Variants in ALKBH6 observed in about 807,000 individuals in gnomAD.
ALKBH6 encodes probable RNA/DNA demethylase ALKBH6.
A neutral mutation model predicts 25.1 loss-of-function variants in ALKBH6; 20 were observed. The ratio of observed to expected loss-of-function variants is 0.80; its 90% CI spans 0.56 to 1.16. The LOEUF is 1.16. ALKBH6 is among the 50% of genes most tolerant of loss of function. The pLI is 0.00. For synonymous variants in ALKBH6, 156 were observed against 147.5 expected (o/e 1.06, Z -0.42); for missense variants, 263 against 326.5 (o/e 0.81, Z 1.50).
chr19:36,011,258 C>A (rs1968604602), intron 4 of ALKBH6, 146 bp downstream of exon 4: 1 of 1,155,618 alleles, frequency 8.7e-7, no homozygotes, highest in Non-Finnish European at 1.2e-6. Flanking sequence ...CCCTCAGGAC[C>A]TCCACTGACC....
chr19:36,013,226 G>C lies in ALKBH6; in HGVS notation c.54+118C>G. The C allele has an allele frequency of 6.8e-7, 1 of 1,467,976 alleles. No individual in the cohort carries two copies. The highest frequency in any genetic ancestry group is 1.2e-5 in the South Asian group (1 of 85,988). The allele number at this position is 1,467,976 out of a possible 1,614,324, so 90.9% of individuals were successfully genotyped here. ...CAGGGTCTAAAGTCAAGGGACCAGT[G>C]CCATTCCAGAATGGACTCTGACAGT... On this transcript the variant is annotated intron_variant, in intron 2 of 6. Transcript: ENST00000378875. The surrounding 1 kb of genome is among the most constrained non-coding windows in gnomAD (Gnocchi z 4.6).
intron 3 of ALKBH6, chr19:36,012,636 A>G (rs1968640978): frequency 5.8e-6 from 1 of 172,040 alleles, no homozygotes; most frequent in South Asian, 1.4e-4. Flanking sequence ...CTTTCCCCAA[A>G]CCTTAAGAAC....
At position 36,013,981 on chromosome 19, in the gene ALKBH6, G is replaced by A; in HGVS notation, c.-26+194C>T. On this transcript the variant is annotated intron_variant, in intron 1 of 6. Coordinates refer to ENST00000378875, the MANE Select transcript of ALKBH6 (RefSeq NM_032878.5). The surrounding 1 kb of genome is among the most constrained non-coding windows in gnomAD (Gnocchi z 4.6). ...CCCTCCTGAGCGCCCCTTCACTCCA[G>A]CACCCTGAGATCTTTAGCTCTGAGG... 7.1e-7 allele frequency: 1 copy of A among 1,401,562 alleles called. No homozygotes were observed. The allele number at this position is 1,401,562 out of a possible 1,614,324, so 86.8% of individuals were successfully genotyped here.
At position 36,009,360 on chromosome 19, in the gene ALKBH6, C is replaced by A; in HGVS notation, c.647G>T (p.Gly216Val). 7.7e-7 allele frequency: 1 copy of A among 1,297,912 alleles called. No individual in the cohort carries two copies. Among genetic ancestry groups the A allele is most frequent in the Non-Finnish European group, 9.8e-7 (1 of 1,023,062 alleles). The allele number at this position is 1,297,912 out of a possible 1,614,324, so 80.4% of individuals were successfully genotyped here. A position where few individuals can be genotyped will look rare whatever the true frequency, so the allele number is the denominator to read the frequency against. The change falls in exon 7 of 7, where the codon GGC (glycine) becomes GTC (valine). Residue 216 changes from glycine (G) to valine (V), a missense_variant. Transcript: ENST00000378875. ...GCGGATGGTCAGCGAGACCCGGGTG[C>A]CGCGCACCAGGCAGGCTCCCGGCCG... ...SARPGACLVR[G>V]TRVSLTIRRV...
rs1463466121 is a variant in ALKBH6, at chr19:36,014,197, T to C, written c.-48A>G. 1 of 1,611,826 alleles carries C rather than the reference T, an allele frequency of 6.2e-7. No individual in the cohort carries two copies. The highest frequency in any genetic ancestry group is 8.5e-7 in the Non-Finnish European group (1 of 1,178,982). On this transcript the variant is annotated 5_prime_UTR_variant, in exon 1 of 7. Coordinates refer to ENST00000378875, the MANE Select transcript of ALKBH6 (RefSeq NM_032878.5). ...GACCGTCCACCAGCGTCCCCTCCAA[T>C]TTCCAAATTCAACATCCCCATCCCC...
intron 6 of ALKBH6, 126 bp from the exon 7 acceptor site, chr19:36,009,679 A>G (rs1377525605): frequency 7.7e-6 from 5 of 647,912 alleles, no homozygotes; most frequent in Non-Finnish European, 8.8e-6. Flanking sequence ...TGTGCTCACA[A>G]TGATGGAGGC....
At chr19:36,014,044 GA>G in intron 1 of ALKBH6, 130 bp downstream of exon 1, 2 of 1,521,160 alleles carry the variant, frequency 1.3e-6, no homozygotes, top group Non-Finnish European at 1.8e-6. Flanking sequence ...GAACCATTCA[GA>G]TCCCCGACTC....
intron 3 of ALKBH6, chr19:36,011,665 G>A (rs1239570319): frequency 3.6e-6 from 2 of 556,314 alleles, no homozygotes; most frequent in South Asian, 2.2e-5. Flanking sequence ...AAGCCCACCT[G>A]TGTCTACCAG....
chr19:36,014,090 C>G, intron 1 of ALKBH6, 85 bp downstream of exon 1: 1 of 1,588,370 alleles, frequency 6.3e-7, no homozygotes, highest in Non-Finnish European at 8.6e-7. Context: ...TGAGCCTCCT[C>G]GGACTCCTAC....
Position 36,011,406 on chromosome 19 carries a change from C to A in ALKBH6, c.182G>T (p.Trp61Leu). 6.2e-7 allele frequency: 1 copy of A among 1,613,026 alleles called. No individual in the cohort carries two copies. The highest frequency in any genetic ancestry group is 8.5e-7 in the Non-Finnish European group (1 of 1,179,916). Residue 61 changes from tryptophan (W) to leucine (L), a missense_variant and splice_region_variant, in exon 4 of 7, where the codon TGG (tryptophan) becomes TTG (leucine). By Grantham distance (61) the Trp-to-Leu change is moderately conservative (BLOSUM62 -2). Transcript: ENST00000378875. ...TGCCCCCAGCCAGGGATACTTACCC[C>A]AGTTCTGTAACTTTCTCCCAGAGAG... is the stretch of plus-strand genomic sequence containing the variant. Reference protein sequence around the residue: ...TQLSGRKLQNWGGLPHPRGMV... With the variant: ...TQLSGRKLQNLGGLPHPRGMV...
Position 36,010,733 on chromosome 19 carries a change from C to T in ALKBH6, c.337-50G>A, listed in dbSNP as rs1410601144. 6.3e-7 allele frequency: 1 copy of T among 1,588,054 alleles called. No individual in the cohort carries two copies. Among genetic ancestry groups the T allele is most frequent in the Non-Finnish European group, 8.6e-7 (1 of 1,158,006 alleles). Reference sequence around the variant, plus strand: ...GCAGGGCAGGAGTCCACAACCCCCACCCTCTGGGTCAAAGGGGGGCTTCCC... The same window carrying T: ...GCAGGGCAGGAGTCCACAACCCCCATCCTCTGGGTCAAAGGGGGGCTTCCC... On this transcript the variant is annotated intron_variant, in intron 5 of 6. Transcript: ENST00000378875. The surrounding 1 kb of genome is among the most constrained non-coding windows in gnomAD (Gnocchi z 5.5).
Position 36,010,694 on chromosome 19 carries a change from G to A in ALKBH6, c.337-11C>T, listed in dbSNP as rs1226506107. Reference sequence around the variant, plus strand: ...TCCGTCCTCGTGGGGCTAGGGAGTGGGCACCAGGGCTGGGCAGGGCAGGAG... The same window carrying A: ...TCCGTCCTCGTGGGGCTAGGGAGTGAGCACCAGGGCTGGGCAGGGCAGGAG... On this transcript the variant is annotated splice_polypyrimidine_tract_variant and intron_variant, in intron 5 of 6. Coordinates refer to ENST00000378875, the MANE Select transcript of ALKBH6 (RefSeq NM_032878.5). This position sits in a 1 kb window ranked among gnomAD's most constrained non-coding sequence, Gnocchi z 5.5. 1 of 1,612,020 alleles carries A rather than the reference G, an allele frequency of 6.2e-7. No homozygotes were observed. The highest frequency in any genetic ancestry group is 8.5e-7 in the Non-Finnish European group (1 of 1,178,312).
chr19:36,010,752 G>T lies in ALKBH6; in HGVS notation c.337-69C>A. Reference sequence around the variant, plus strand: ...CCCCCACCCTCTGGGTCAAAGGGGGGCTTCCCAAGCCAGGGACAGGGAGGT... The same window carrying T: ...CCCCCACCCTCTGGGTCAAAGGGGGTCTTCCCAAGCCAGGGACAGGGAGGT... On this transcript the variant is annotated intron_variant, in intron 5 of 6. Transcript: ENST00000378875. The surrounding 1 kb of genome is among the most constrained non-coding windows in gnomAD (Gnocchi z 5.5). 6.4e-7 allele frequency: 1 copy of T among 1,570,928 alleles called. No homozygotes were observed. The highest frequency in any genetic ancestry group is 8.7e-7 in the Non-Finnish European group (1 of 1,143,076).
rs2145365467 is a variant in ALKBH6, at chr19:36,009,399, G to A, written c.608C>T (p.Ala203Val). 8.0e-7 allele frequency: 1 copy of A among 1,251,306 alleles called. No individual in the cohort carries two copies. The highest frequency in any genetic ancestry group is 3.0e-4 in the Middle Eastern group (1 of 3,308). 77.5% of individuals were successfully genotyped at this position (1,251,306 alleles called of 1,614,324 possible). Residue 203 changes from alanine to valine, a missense_variant, in exon 7 of 7, where the codon GCC becomes GTC. Coordinates refer to ENST00000378875, the MANE Select transcript of ALKBH6 (RefSeq NM_032878.5). ...DAASSPPNAA[A>V]CPSARPGACL... ...GGCTCCCGGCCGCGCCGACGGGCAG[G>A]CTGCCGCATTGGGCGGCGAGGAGGC...
intron 4 of ALKBH6, 33 bp from the exon 5 acceptor site, chr19:36,011,078 C>A: frequency 6.4e-7 from 1 of 1,567,014 alleles, no homozygotes. Context: ...GAGGGCCCCC[C>A]TATAGCAATA....
At position 36,010,411 on chromosome 19, in the gene ALKBH6, T is replaced by A. The variant is rs771816153; in HGVS notation, c.453+156A>T. 1 of 689,456 alleles carries A rather than the reference T, an allele frequency of 1.5e-6. No individual in the cohort carries two copies. The highest frequency in any genetic ancestry group is 2.6e-6 in the Non-Finnish European group (1 of 390,970). 42.7% of individuals were successfully genotyped at this position (689,456 alleles called of 1,614,324 possible). ...ACACCCTGTAAGCAGATGGGTTGGG[T>A]GTCTGGGAGGAAGTGGGTACACCCC... On this transcript the variant is annotated intron_variant, in intron 6 of 6. Transcript: ENST00000378875. This position sits in a 1 kb window ranked among gnomAD's most constrained non-coding sequence, Gnocchi z 5.5.
chr19:36,010,426 G>C lies in ALKBH6; in HGVS notation c.453+141C>G, dbSNP rs1284587412. On this transcript the variant is annotated intron_variant, in intron 6 of 6. Coordinates refer to ENST00000378875, the MANE Select transcript of ALKBH6 (RefSeq NM_032878.5). This position sits in a 1 kb window ranked among gnomAD's most constrained non-coding sequence, Gnocchi z 5.5. ...ATGGGTTGGGTGTCTGGGAGGAAGT[G>C]GGTACACCCCATGAGGGGACAAGGG... is the stretch of plus-strand genomic sequence containing the variant. 2.7e-6 allele frequency: 2 copies of C among 741,198 alleles called. No individual in the cohort carries two copies. Among genetic ancestry groups the C allele is most frequent in the Admixed American group, 2.1e-5 (1 of 46,838 alleles). 45.9% of individuals were successfully genotyped at this position (741,198 alleles called of 1,614,324 possible). A position where few individuals can be genotyped will look rare whatever the true frequency, so the allele number is the denominator to read the frequency against.
rs1198574530 is a variant in ALKBH6, at chr19:36,009,305, G to C, written c.702C>G (p.Leu234=). 7.3e-7 allele frequency: 1 copy of C among 1,360,796 alleles called. No individual in the cohort carries two copies. Among genetic ancestry groups the C allele is most frequent in the Non-Finnish European group, 9.5e-7 (1 of 1,054,364 alleles). 84.3% of individuals were successfully genotyped at this position (1,360,796 alleles called of 1,614,324 possible). A position where few individuals can be genotyped will look rare whatever the true frequency, so the allele number is the denominator to read the frequency against. ...GCCCTGGCGGTCACTTGCCCAGCAG[G>C]AGGCCGGCGCGCAGCACGCGGGGCA... ...RRVPRVLRAG[L]LLGK is the part of the protein sequence containing the mutation. The change falls in exon 7 of 7, where the codon CTC becomes CTG. Residue 234 remains leucine (L), a synonymous_variant. Transcript: ENST00000378875.
chr19:36,009,608 G>GGGGCC, intron 6 of ALKBH6, 55 bp from the exon 7 acceptor site: 3 of 336,930 alleles, frequency 8.9e-6, no homozygotes, highest in Non-Finnish European at 9.0e-6. Flanking sequence ...GTGGGGGTGG[G>GGGGCC]CGAGAGGTCG....
Sources: allele counts gnomAD v4.1 joint callset, GRCh38; gene constraint gnomAD v4.1.1; non-coding constraint Gnocchi (gnomAD v3.1); transcripts MANE v1.5; gene names NCBI Gene and HGNC (gene_info 2026-07-23, HGNC 2026-07-21).